The following ASAP1 variants were observed in gnomAD, a reference collection of about 807,000 sequenced individuals.
The protein encoded by ASAP1 is arf-GAP with SH3 domain, ANK repeat and PH domain-containing protein 1.
In ASAP1, 43 loss-of-function variants were observed where a neutral mutation model predicts 145.2. That is an observed-to-expected ratio of 0.30 (90% CI 0.23 to 0.38). ASAP1 has a LOEUF of 0.38. ASAP1 is among the 10% of genes least tolerant of loss of function. The pLI is 1.00. For missense variants in ASAP1, 1,018 were observed against 1,355.3 expected, an observed-to-expected ratio of 0.75 and a Z score of 3.91; for synonymous variants, 546 against 515.5, an observed-to-expected ratio of 1.06 and a Z score of -0.80.
chr8:130,164,022 A>C (rs1586486528), intron 11 of ASAP1, among the ~76,000 whole-genome samples: 1 of 152,182 alleles, frequency 6.6e-6, no homozygotes, highest in African/African-American at 2.4e-5. Flanking sequence ...CTAAACCTCT[A>C]CTACAGAAGC....
At chr8:130,186,387 T>C (rs754228255) in intron 7 of ASAP1, among the ~76,000 whole-genome samples, 5 of 152,214 alleles carry the variant, frequency 3.3e-5, no homozygotes, top group Non-Finnish European at 7.3e-5. Flanking sequence ...CTGCTGCTAT[T>C]GCTGCCTACA....
chr8:130,215,013 G>A (rs1816811074), intron 4 of ASAP1, among the ~76,000 whole-genome samples: 1 of 151,958 alleles, frequency 6.6e-6, no homozygotes, highest in African/African-American at 2.4e-5. Context: ...TGATTCTCCT[G>A]CCTCAGCCTC....
intron 18 of ASAP1, among the ~76,000 whole-genome samples, chr8:130,120,897 T>G (rs1230224396): frequency 6.6e-6 from 1 of 152,220 alleles, no homozygotes; most frequent in Non-Finnish European, 1.5e-5. Flanking sequence ...TAGATTTGTC[T>G]GGAAATCTGG....
At chr8:130,205,378 A>G (rs1471029049) in intron 5 of ASAP1, among the ~76,000 whole-genome samples, 3 of 148,024 alleles carry the variant, frequency 2.0e-5, no homozygotes, top group Admixed American at 6.7e-5. Context: ...GTGAATCCTT[A>G]TAAGAAAAAA....
chr8:130,410,181 T>C (rs1829204025), intron 1 of ASAP1, among the ~76,000 whole-genome samples: 1 of 152,210 alleles, frequency 6.6e-6, no homozygotes, highest in East Asian at 1.9e-4. Context: ...AAGGAAGTAT[T>C]GGTTAGCAAA....
chr8:130,278,731 T>C (rs192144235), intron 3 of ASAP1, among the ~76,000 whole-genome samples: 76 of 152,268 alleles, frequency 5.0e-4, no homozygotes, highest in African/African-American at 1.7e-3. Flanking sequence ...TTTCTAAATA[T>C]AAATACGCAT....
chr8:130,074,486 C>CACACACACACACAGAG (rs5895034), intron 27 of ASAP1, among the ~76,000 whole-genome samples: 4 of 140,586 alleles, frequency 2.8e-5, no homozygotes, highest in Admixed American at 1.4e-4. Flanking sequence ...CACACACACA[C>CACACACACACACAGAG]AGAGAGAACG....
intron 1 of ASAP1, among the ~76,000 whole-genome samples, chr8:130,407,129 T>C (rs1829067648): frequency 6.6e-6 from 1 of 152,204 alleles, no homozygotes; most frequent in African/African-American, 2.4e-5. Flanking sequence ...GCATGGGATC[T>C]AGTTGTGGTG....
chr8:130,189,111 G>A (rs947914084), intron 5 of ASAP1, among the ~76,000 whole-genome samples: 17 of 151,990 alleles, frequency 1.1e-4, no homozygotes, highest in Non-Finnish European at 2.1e-4. Flanking sequence ...TATAATGATC[G>A]AATCAGGGAA....
chr8:130,359,132 G>C (rs1162923501), intron 2 of ASAP1, among the ~76,000 whole-genome samples: 3 of 152,312 alleles, frequency 2.0e-5, no homozygotes, highest in East Asian at 3.9e-4. Context: ...AGTTGCCTTA[G>C]GTCGCTACAA....
At chr8:130,260,922 C>G (rs1420502134) in intron 3 of ASAP1, among the ~76,000 whole-genome samples, 1 of 152,146 alleles carries the variant, frequency 6.6e-6, no homozygotes, top group African/African-American at 2.4e-5. Context: ...GCTTTTCCCC[C>G]CCTCAAGATA....
At chr8:130,356,748 C>T (rs1035167893) in intron 3 of ASAP1, among the ~76,000 whole-genome samples, 5 of 152,156 alleles carry the variant, frequency 3.3e-5, no homozygotes, top group African/African-American at 1.2e-4. Context: ...CTCTCTCCTC[C>T]TAAAATTTGG....
At chr8:130,282,441 T>C (rs916028450) in intron 3 of ASAP1, among the ~76,000 whole-genome samples, 2 of 152,222 alleles carry the variant, frequency 1.3e-5, no homozygotes, top group African/African-American at 2.4e-5. Context: ...AATCAAAATA[T>C]TTTTGAAATT....
chr8:130,133,387 T>C (rs1208768310), intron 15 of ASAP1, among the ~76,000 whole-genome samples: 1 of 151,838 alleles, frequency 6.6e-6, no homozygotes, highest in African/African-American at 2.4e-5. Context: ...CCGGGCGCGG[T>C]GGCTCACGCC....
At chr8:130,259,049 A>G (rs1243554196) in intron 3 of ASAP1, among the ~76,000 whole-genome samples, 1 of 152,126 alleles carries the variant, frequency 6.6e-6, no homozygotes, top group Non-Finnish European at 1.5e-5. Context: ...GGGGGTAAGA[A>G]GAGAACTCTT....
intron 2 of ASAP1, among the ~76,000 whole-genome samples, chr8:130,395,897 C>T (rs935052887): frequency 6.6e-6 from 1 of 152,108 alleles, no homozygotes; most frequent in Non-Finnish European, 1.5e-5. Flanking sequence ...AACTCCTGAT[C>T]TTAGGTAATC....
chr8:130,207,411 T>C (rs1259776083), intron 5 of ASAP1, among the ~76,000 whole-genome samples: 1 of 152,200 alleles, frequency 6.6e-6, no homozygotes, highest in Non-Finnish European at 1.5e-5. Context: ...TTCACATAAA[T>C]TATTTCTAAA....
At chr8:130,157,353 C>A (rs1456371415) in intron 12 of ASAP1, among the ~76,000 whole-genome samples, 3 of 152,108 alleles carry the variant, frequency 2.0e-5, no homozygotes, top group Middle Eastern at 3.2e-3. Flanking sequence ...TTCTCTACAC[C>A]CCATATCAGC....
intron 13 of ASAP1, among the ~76,000 whole-genome samples, chr8:130,147,842 T>G (rs1420855658): frequency 6.6e-6 from 1 of 152,192 alleles, no homozygotes; most frequent in East Asian, 1.9e-4. Flanking sequence ...CCAACCCTTT[T>G]GAGTAAAACA....
Sources: gnomAD v4.1 joint callset for allele counts (sites outside exome capture counted in the v4.1 genomes callset) on GRCh38, gnomAD v4.1.1 for gene constraint, MANE v1.5 for transcripts, NCBI Gene and HGNC (gene_info 2026-07-23, HGNC 2026-07-21) for gene names.